ZNF521: variants seen among roughly 807,000 people sequenced by gnomAD.
ZNF521 encodes zinc finger protein 521.
In ZNF521, 14 loss-of-function variants were observed where a neutral mutation model predicts 105.5. That is an observed-to-expected ratio of 0.13 (90% CI 0.09 to 0.21). The LOEUF (loss-of-function observed/expected upper bound fraction) is 0.21, where lower values mean the gene tolerates loss of function less well. ZNF521 is among the 10% of genes least tolerant of loss of function. The pLI is 1.00. For synonymous variants in ZNF521, 635 were observed against 606.0 expected, an observed-to-expected ratio of 1.05 and a Z score of -0.70; for missense variants, 1,233 against 1,629.7, an observed-to-expected ratio of 0.76 and a Z score of 4.19.
intron 5 of ZNF521, among the ~76,000 whole-genome samples, chr18:25,116,888 CGTAT>C (rs1567968450): frequency 1.3e-4 from 17 of 133,986 alleles, no homozygotes; most frequent in African/African-American, 4.1e-4. Flanking sequence ...TATATATATA[CGTAT>C]ATATATATGT....
intron 5 of ZNF521, among the ~76,000 whole-genome samples, chr18:25,154,212 G>C (rs1433094542): frequency 6.6e-6 from 1 of 152,188 alleles, no homozygotes; most frequent in Non-Finnish European, 1.5e-5. Flanking sequence ...TTTCTTAAAA[G>C]GCTTCCTTTC....
intron 5 of ZNF521, among the ~76,000 whole-genome samples, chr18:25,158,058 T>C (rs1294035115): frequency 6.6e-6 from 1 of 152,186 alleles, no homozygotes; most frequent in Non-Finnish European, 1.5e-5. Flanking sequence ...CTGGCCTACT[T>C]AACCTTTTAG....
chr18:25,090,956 T>A (rs891230692), intron 6 of ZNF521, among the ~76,000 whole-genome samples: 4 of 152,190 alleles, frequency 2.6e-5, no homozygotes, highest in Admixed American at 6.5e-5. Flanking sequence ...AATTATTGAA[T>A]GAAGGAGCCA....
intron 7 of ZNF521, among the ~76,000 whole-genome samples, chr18:25,074,052 ACATGTGTGCGCACG>A (rs1010042506): frequency 2.9e-5 from 4 of 139,084 alleles, no homozygotes; most frequent in African/African-American, 1.1e-4. Context: ...GTGTCTGTGC[ACATGTGTGCGCACG>A]CGTGTGTGCG....
In ZNF521 at chr18:25,337,947, T is replaced by C. The variant is rs1598487909; in HGVS notation, c.40+12960A>G. On this transcript the variant is annotated intron_variant, in intron 2 of 7. Coordinates refer to ENST00000361524, the MANE Select transcript of ZNF521 (RefSeq NM_015461.3). ...AGGGGAGAGATCATAAGTGCTTATA[T>C]GGAAGGGCTGCTAGGAAATATATTT... 2.6e-5 allele frequency among the ~76,000 whole-genome samples: 4 copies of C among 152,148 alleles called. No homozygotes were observed. In the South Asian group the frequency reaches 6.2e-4, roughly 24 times the overall value.
intron 5 of ZNF521, among the ~76,000 whole-genome samples, chr18:25,110,803 C>T (rs1297276500): frequency 1.3e-5 from 2 of 151,842 alleles, no homozygotes; most frequent in Non-Finnish European, 2.9e-5. Flanking sequence ...CTCTGTCACC[C>T]AGGCTGGAGT....
intron 5 of ZNF521, among the ~76,000 whole-genome samples, chr18:25,100,566 G>T (rs2033946563): frequency 6.6e-6 from 1 of 151,840 alleles, no homozygotes; most frequent in Admixed American, 6.6e-5. Flanking sequence ...TTGTGGCAAT[G>T]GTAAGAAAAC....
At chr18:25,343,972 C>T (rs1376113160) in intron 2 of ZNF521, among the ~76,000 whole-genome samples, 2 of 151,924 alleles carry the variant, frequency 1.3e-5, no homozygotes, top group Non-Finnish European at 1.5e-5. Flanking sequence ...AATAATGATA[C>T]CCACAAGATC....
intron 5 of ZNF521, among the ~76,000 whole-genome samples, chr18:25,156,035 A>G (rs2035137423): frequency 6.6e-6 from 1 of 152,216 alleles, no homozygotes; most frequent in South Asian, 2.1e-4. Context: ...AATGTACAAC[A>G]TAAGGACTAT....
Position 25,114,405 on chromosome 18 carries a change from A to C in ZNF521, c.3659-22324T>G, listed in dbSNP as rs1567967548. ...GTCAAATTGGGGAAAACTGAGGTCT[A>C]TATTTTTAAAAATTACAGCTGTTAT... On this transcript the variant is annotated intron_variant, in intron 5 of 7. Transcript: ENST00000361524. Among the ~76,000 whole-genome samples the C allele has an allele frequency of 2.0e-5, 3 of 152,322 alleles. No individual in the cohort carries two copies. In the East Asian group the frequency reaches 5.8e-4, roughly 29 times the overall value.
intron 5 of ZNF521, among the ~76,000 whole-genome samples, chr18:25,137,895 A>G (rs1404442077): frequency 6.6e-6 from 1 of 152,182 alleles, no homozygotes; most frequent in Non-Finnish European, 1.5e-5. Context: ...TTTATGCAGC[A>G]CTGTTTTACT....
rs1221569087 is a variant in ZNF521 at position 25,224,416 on chromosome 18, T to C, written c.3502A>G (p.Ser1168Gly). ...GGCGTTTTCAACTGTGTGCTGTTGC[T>C]GTCTGGCACGAGCTCTCGGTGGATG... ...QTIHRELVPDSNSTQLKTPQV... is the reference protein window; with the variant it reads ...QTIHRELVPDGNSTQLKTPQV... Residue 1168 changes from serine (S) to glycine (G), a missense_variant, in exon 4 of 8, where the codon AGC (serine) becomes GGC (glycine). Ser to Gly is a moderately conservative substitution (Grantham distance 56, BLOSUM62 0). Coordinates refer to ENST00000361524, the MANE Select transcript of ZNF521 (RefSeq NM_015461.3). The C allele has an allele frequency of 6.2e-7, 1 of 1,613,844 alleles. No homozygotes were observed. The highest frequency in any genetic ancestry group is 1.7e-5 in the Admixed American group (1 of 59,972).
intron 7 of ZNF521, among the ~76,000 whole-genome samples, chr18:25,064,306 T>C (rs868533869): frequency 1.1e-4 from 10 of 93,776 alleles, no homozygotes; most frequent in South Asian, 7.6e-4. Context: ...TGCCTAGCCA[T>C]TGGGGAATGG....
At chr18:25,147,572 T>C (rs1472201718) in intron 5 of ZNF521, among the ~76,000 whole-genome samples, 1 of 152,182 alleles carries the variant, frequency 6.6e-6, no homozygotes, top group Non-Finnish European at 1.5e-5. Flanking sequence ...TTTATGACTA[T>C]AGCTTCCAGA....
chr18:25,318,288 C>T (rs978196617), intron 3 of ZNF521, among the ~76,000 whole-genome samples: 1 of 152,108 alleles, frequency 6.6e-6, no homozygotes, highest in African/African-American at 2.4e-5. Context: ...ATGGTTAAAA[C>T]AGCTCAAAAA....
intron 5 of ZNF521, among the ~76,000 whole-genome samples, chr18:25,191,946 T>C (rs866972037): frequency 2.6e-5 from 4 of 152,158 alleles, no homozygotes; most frequent in Middle Eastern, 3.2e-3. Context: ...AAGCACGTAA[T>C]ACACACTTGT....
chr18:25,303,915 T>G (rs1183106332), intron 3 of ZNF521, among the ~76,000 whole-genome samples: 1 of 152,218 alleles, frequency 6.6e-6, no homozygotes, highest in Non-Finnish European at 1.5e-5. Context: ...TCACTGAAGT[T>G]TTTGATTTCT....
intron 5 of ZNF521, among the ~76,000 whole-genome samples, chr18:25,179,556 G>C (rs2035595904): frequency 6.6e-6 from 1 of 152,060 alleles, no homozygotes; most frequent in Non-Finnish European, 1.5e-5. Context: ...CTGGAATTTT[G>C]AGTGTACAAG....
At chr18:25,270,871 C>T (rs753050447) in intron 3 of ZNF521, among the ~76,000 whole-genome samples, 4 of 152,156 alleles carry the variant, frequency 2.6e-5, no homozygotes, top group Non-Finnish European at 4.4e-5. Context: ...CGGCACAACA[C>T]AAGGATGCCC....
Sources: allele counts gnomAD v4.1 joint callset (sites outside exome capture counted in the v4.1 genomes callset), GRCh38; gene constraint gnomAD v4.1.1; transcripts MANE v1.5; gene names NCBI Gene and HGNC (gene_info 2026-07-23, HGNC 2026-07-21).